SUGCT: variants seen among roughly 807,000 people sequenced by gnomAD.
SUGCT encodes the protein succinyl-CoA:glutarate CoA-transferase.
Under a neutral mutation model 55.0 loss-of-function variants are expected in SUGCT, and 41 were observed. That is an observed-to-expected ratio of 0.74 (90% confidence interval 0.58 to 0.97). The LOEUF is 0.97. Among genes scored for constraint, SUGCT ranks in the 50% least tolerant of loss-of-function variants. The pLI, the probability that SUGCT is intolerant of heterozygous loss-of-function variation, is 0.00. For missense variants in SUGCT, 568 were observed against 547.8 expected (o/e 1.04, Z -0.37); for synonymous variants, 187 against 200.4 (o/e 0.93, Z 0.56).
intron 12 of SUGCT, among the ~76,000 whole-genome samples, chr7:40,520,436 G>A (rs77278264): frequency 0.027 from 4,127 of 152,116 alleles, 185 homozygotes; most frequent in African/African-American, 0.096. Flanking sequence ...TTATGAAGTG[G>A]TGCAAATATC....
intron 8 of SUGCT, among the ~76,000 whole-genome samples, chr7:40,292,412 C>T (rs1793845967): frequency 6.6e-6 from 1 of 152,100 alleles, no homozygotes; most frequent in South Asian, 2.1e-4. Flanking sequence ...AACTGAACCA[C>T]ACTTACAGGA....
chr7:40,385,156 A>C (rs1785055542), intron 9 of SUGCT, among the ~76,000 whole-genome samples: 1 of 152,196 alleles, frequency 6.6e-6, no homozygotes, highest in African/African-American at 2.4e-5. Flanking sequence ...CATCATGGCC[A>C]CTGGGAAAGA....
intron 12 of SUGCT, among the ~76,000 whole-genome samples, chr7:40,705,261 A>G (rs563001971): frequency 2.8e-4 from 42 of 152,324 alleles, no homozygotes; most frequent in African/African-American, 9.4e-4. Context: ...AATGTCTTAC[A>G]TAATTATAGT....
At chr7:40,394,802 C>T (rs529636767) in intron 9 of SUGCT, among the ~76,000 whole-genome samples, 6 of 152,088 alleles carry the variant, frequency 3.9e-5, no homozygotes, top group African/African-American at 1.4e-4. Flanking sequence ...ATTTTTTATG[C>T]CTGGCTTATT....
chr7:40,455,223 A>G (rs1302151500), intron 10 of SUGCT, among the ~76,000 whole-genome samples: 5 of 152,208 alleles, frequency 3.3e-5, no homozygotes. Flanking sequence ...ATCATTAAAC[A>G]TCTATGCAAA....
At chr7:40,689,082 C>A (rs1021670121) in intron 12 of SUGCT, among the ~76,000 whole-genome samples, 2 of 152,176 alleles carry the variant, frequency 1.3e-5, no homozygotes, top group Non-Finnish European at 2.9e-5. Context: ...TTTTCTGAGG[C>A]AGACCCAACT....
the SUGCT span, among the ~76,000 whole-genome samples, chr7:40,982,649 CT>C: frequency 6.6e-6 from 1 of 151,834 alleles, no homozygotes; most frequent in South Asian, 2.1e-4. Flanking sequence ...AGCAGTATCT[CT>C]TTTTGATTTT....
At chr7:40,965,911 T>G in the SUGCT span, 2 of 152,200 alleles carry the variant, frequency 1.3e-5, no homozygotes, top group Non-Finnish European at 2.9e-5. Flanking sequence ...AAAAAAATGG[T>G]AAGAATTCAG....
chr7:40,204,523 C>T (rs371375175), intron 6 of SUGCT, among the ~76,000 whole-genome samples: 22 of 152,120 alleles, frequency 1.4e-4, no homozygotes, highest in Non-Finnish European at 2.6e-4. Flanking sequence ...AGGATGGTCT[C>T]GATCTCCTGG....
chr7:40,448,922 A>ATGTGTG (rs1789017395), intron 9 of SUGCT, among the ~76,000 whole-genome samples: 1 of 146,326 alleles, frequency 6.8e-6, no homozygotes, highest in African/African-American at 2.6e-5. Flanking sequence ...GTGTGTGTAT[A>ATGTGTG]TATGTGTGTG....
At chr7:40,720,761 A>G (rs997755337) in intron 12 of SUGCT, among the ~76,000 whole-genome samples, 2 of 152,198 alleles carry the variant, frequency 1.3e-5, no homozygotes, top group Non-Finnish European at 2.9e-5. Context: ...TTGAATGTAT[A>G]TATTTTGTAA....
chr7:40,936,713 T>C, the SUGCT span, among the ~76,000 whole-genome samples: 9 of 152,002 alleles, frequency 5.9e-5, no homozygotes, highest in Non-Finnish European at 1.2e-4. Context: ...TTGTCTTCTT[T>C]TTCTATATAA....
At chr7:40,274,959 G>T (rs745634513) in intron 8 of SUGCT, among the ~76,000 whole-genome samples, 4 of 152,164 alleles carry the variant, frequency 2.6e-5, no homozygotes, top group African/African-American at 7.2e-5. Flanking sequence ...GTGCCACCAC[G>T]CCCGGCTAAT....
chr7:40,940,014 A>T, the SUGCT span, among the ~76,000 whole-genome samples: 2 of 152,210 alleles, frequency 1.3e-5, no homozygotes, highest in East Asian at 3.9e-4. Flanking sequence ...TTCAGGTCTT[A>T]GATTTAAGAC....
chr7:40,540,728 A>G (rs774816917), intron 12 of SUGCT, among the ~76,000 whole-genome samples: 4 of 152,248 alleles, frequency 2.6e-5, no homozygotes, highest in Non-Finnish European at 5.9e-5. Context: ...AAAGTGAATA[A>G]TGAAGTGAGT....
At position 40,588,978 on chromosome 7, in the gene SUGCT, T is replaced by C. The variant is rs191489661; in HGVS notation, c.1089+92592T>C. ...CTTGCTAGGAAATAATTCTGTTTTG[T>C]ACAAATAAATATATAATTATACATC... On this transcript the variant is annotated intron_variant, in intron 12 of 13. Coordinates refer to ENST00000335693, the MANE Select transcript of SUGCT (RefSeq NM_001193313.2). Among the ~76,000 whole-genome samples the C allele has an allele frequency of 7.4e-4, 113 of 152,336 alleles. 1 individual carries two copies. In the East Asian group the frequency reaches 0.019, roughly 25 times the overall value.
intron 12 of SUGCT, among the ~76,000 whole-genome samples, chr7:40,692,493 A>T (rs1784741342): frequency 6.6e-6 from 1 of 152,222 alleles, no homozygotes; most frequent in Non-Finnish European, 1.5e-5. Flanking sequence ...GCCAGTGAAG[A>T]TGCAAAGGGT....
chr7:40,975,699 C>T, the SUGCT span, among the ~76,000 whole-genome samples: 1 of 152,178 alleles, frequency 6.6e-6, no homozygotes, highest in African/African-American at 2.4e-5. Flanking sequence ...TTGCAGCCCA[C>T]AGGGTTCTAC....
At chr7:40,535,522 C>T (rs1216743677) in intron 12 of SUGCT, among the ~76,000 whole-genome samples, 2 of 152,238 alleles carry the variant, frequency 1.3e-5, no homozygotes, top group East Asian at 1.9e-4. Context: ...GCCATTCAGC[C>T]CAGCAATCCT....
Sources: gnomAD v4.1 joint callset for allele counts (sites outside exome capture counted in the v4.1 genomes callset) on GRCh38, gnomAD v4.1.1 for gene constraint, MANE v1.5 for transcripts, NCBI Gene and HGNC (gene_info 2026-07-23, HGNC 2026-07-21) for gene names.